The following FBXO46 variants were observed in gnomAD, a reference collection of about 807,000 sequenced individuals.
FBXO46 encodes F-box protein 46.
Under a neutral mutation model 30.7 loss-of-function variants are expected in FBXO46, and 13 were observed. That is an observed-to-expected ratio of 0.42 (90% confidence interval 0.28 to 0.67). The LOEUF (loss-of-function observed/expected upper bound fraction) is 0.67. FBXO46 is among the 30% of genes least tolerant of loss of function. The pLI is 0.21. For missense variants in FBXO46, 754 were observed against 871.5 expected, an observed-to-expected ratio of 0.87 and a Z score of 1.70; for synonymous variants, 467 against 385.8, an observed-to-expected ratio of 1.21 and a Z score of -2.47.
At chr19:45,716,946 C>T (rs907410219) in intron 1 of FBXO46, 1 of 152,184 alleles carries the variant, frequency 6.6e-6, no homozygotes, top group Non-Finnish European at 1.5e-5. Flanking sequence ...GACTGGTACT[C>T]TCGGGCTCTT....
In FBXO46 at chr19:45,713,572, A is replaced by T; in HGVS notation, c.-77T>A. Reference sequence around the variant, plus strand: ...GTGGTGGTGGGAGGCTCCACATGCCACCTGGAGACACGAAGAGGAGGTTGG... The same window carrying T: ...GTGGTGGTGGGAGGCTCCACATGCCTCCTGGAGACACGAAGAGGAGGTTGG... On this transcript the variant is annotated splice_region_variant and 5_prime_UTR_variant, in exon 2 of 2. Coordinates refer to ENST00000317683, the MANE Select transcript of FBXO46 (RefSeq NM_001080469.2). This position sits in a 1 kb window ranked among gnomAD's most constrained non-coding sequence, Gnocchi z 4.7. 8.2e-7 allele frequency: 1 copy of T among 1,214,112 alleles called. No homozygotes were observed. Among genetic ancestry groups the T allele is most frequent in the Non-Finnish European group, 1.1e-6 (1 of 877,404 alleles). The allele number at this position is 1,214,112 out of a possible 1,614,324, so 75.2% of individuals were successfully genotyped here.
intron 1 of FBXO46, chr19:45,714,420 C>CTG (rs900726126): frequency 6.6e-6 from 1 of 151,320 alleles, no homozygotes; most frequent in Non-Finnish European, 1.5e-5. Context: ...TTTATTAAAG[C>CTG]TGTGTGTCCT....
chr19:45,719,744 G>A (rs1222084742), intron 1 of FBXO46, among the ~76,000 whole-genome samples: 2 of 152,186 alleles, frequency 1.3e-5, no homozygotes, highest in African/African-American at 4.8e-5. Flanking sequence ...GAACACACAG[G>A]TGACACTGAG....
upstream of FBXO46, among the ~76,000 whole-genome samples, chr19:45,732,116 C>CAAA (rs1038077264): frequency 8.9e-6 from 1 of 112,226 alleles, no homozygotes; most frequent in African/African-American, 3.1e-5. Flanking sequence ...GATTCCGTCT[C>CAAA]AAAAAAAAAA....
intron 1 of FBXO46, chr19:45,717,354 C>G (rs929737777): frequency 1.8e-4 from 27 of 152,386 alleles, no homozygotes; most frequent in African/African-American, 6.3e-4. Flanking sequence ...TCCTTCCCTC[C>G]GGCCACCGCG....
At chr19:45,721,880 G>C (rs574614683) in intron 1 of FBXO46, among the ~76,000 whole-genome samples, 15 of 150,142 alleles carry the variant, frequency 1.0e-4, no homozygotes, top group African/African-American at 3.7e-4. Flanking sequence ...TCGTGCTGTT[G>C]CCCAAGCTGG....
rs1163648894 is a variant in FBXO46, at chr19:45,713,290, G to A, written c.206C>T (p.Pro69Leu). The A allele has an allele frequency of 1.6e-5, 25 of 1,607,958 alleles. No individual in the cohort carries two copies. In the South Asian group the frequency reaches 1.7e-4, roughly 11 times the overall value. ...AGCTGCTGCTGAGAGGAGCGGAGCC[G>A]GCTGGGAGGCAGGGACCTCAGTGGC... ...ALATEVPASQ[P>L]APLLSAAAAG... The change falls in exon 2 of 2, where the codon CCG becomes CTG. Residue 69 changes from proline (P) to leucine (L), a missense_variant. Transcript: ENST00000317683. This position sits in a 1 kb window ranked among gnomAD's most constrained non-coding sequence, Gnocchi z 4.7.
chr19:45,732,116 CA>C (rs1038077264), upstream of FBXO46, among the ~76,000 whole-genome samples: 2,549 of 111,980 alleles, frequency 0.023, 62 homozygotes, highest in African/African-American at 0.068. Flanking sequence ...GATTCCGTCT[CA>C]AAAAAAAAAA....
At chr19:45,716,064 C>A (rs912816979) in intron 1 of FBXO46, 1 of 152,168 alleles carries the variant, frequency 6.6e-6, no homozygotes, top group African/African-American at 2.4e-5. Context: ...TGTTGAGTAT[C>A]TCAAATCTGA....
chr19:45,713,062 G>A lies in FBXO46; in HGVS notation c.434C>T (p.Pro145Leu), dbSNP rs1352402978. ...RRCLDPTKAPPDPGGREGPPA... is the reference protein window; with the variant it reads ...RRCLDPTKAPLDPGGREGPPA... Reference sequence around the variant, plus strand: ...GGGGCCCTCCCGGCCCCCTGGGTCAGGAGGAGCCTTGGTGGGGTCAAGACA... The same window carrying A: ...GGGGCCCTCCCGGCCCCCTGGGTCAAGAGGAGCCTTGGTGGGGTCAAGACA... The change falls in exon 2 of 2, where the codon CCT becomes CTT. Residue 145 changes from proline (P) to leucine (L), a missense_variant. Physicochemically the swap from Pro to Leu is moderately conservative, Grantham distance 98 (BLOSUM62 -3). Transcript: ENST00000317683. This position sits in a 1 kb window ranked among gnomAD's most constrained non-coding sequence, Gnocchi z 4.7. 1 of 1,577,810 alleles carries A rather than the reference G, an allele frequency of 6.3e-7. No homozygotes were observed. The highest frequency in any genetic ancestry group is 8.6e-7 in the Non-Finnish European group (1 of 1,163,814).
At chr19:45,727,991 C>T (rs985453447) in intron 1 of FBXO46, among the ~76,000 whole-genome samples, 7 of 152,146 alleles carry the variant, frequency 4.6e-5, no homozygotes, top group Admixed American at 3.9e-4. Flanking sequence ...GGCTGGAGTG[C>T]AGTGGCACAA....
chr19:45,718,612 C>T (rs1180345941), intron 1 of FBXO46, among the ~76,000 whole-genome samples: 1 of 152,038 alleles, frequency 6.6e-6, no homozygotes, highest in Non-Finnish European at 1.5e-5. Flanking sequence ...GGTCTGTGTT[C>T]AAATGCAGTT....
upstream of FBXO46, among the ~76,000 whole-genome samples, chr19:45,732,749 C>T (rs1968341513): frequency 6.6e-6 from 1 of 151,662 alleles, no homozygotes; most frequent in Non-Finnish European, 1.5e-5. Flanking sequence ...CCCCACCATG[C>T]CCGGCTAATT....
chr19:45,712,735 G>C lies in FBXO46; in HGVS notation c.761C>G (p.Pro254Arg). The C allele has an allele frequency of 1.2e-6, 2 of 1,611,744 alleles. No individual in the cohort carries two copies. The highest frequency in any genetic ancestry group is 1.7e-6 in the Non-Finnish European group (2 of 1,178,992). The change falls in exon 2 of 2, where the codon CCA (proline) becomes CGA (arginine). Residue 254 changes from proline (P) to arginine (R), a missense_variant. Coordinates refer to ENST00000317683, the MANE Select transcript of FBXO46 (RefSeq NM_001080469.2). This position sits in a 1 kb window ranked among gnomAD's most constrained non-coding sequence, Gnocchi z 8.8. ...KGLRKEERPG[P>R]GPGEVRIAFR... is the part of the protein sequence containing the mutation. Reference sequence around the variant, plus strand: ...GGCGATGCGCACCTCCCCAGGGCCTGGCCCGGGCCGCTCTTCCTTGCGGAG... The same window carrying C: ...GGCGATGCGCACCTCCCCAGGGCCTCGCCCGGGCCGCTCTTCCTTGCGGAG...
In FBXO46 at chr19:45,711,460, C is replaced by G. The variant is rs914420843; in HGVS notation, c.*224G>C. Reference sequence around the variant, plus strand: ...ATGCTGATAAAAAAAAAAAAAACACCCTTCTCAGAGGGTCCACGGCCCTGG... The same window carrying G: ...ATGCTGATAAAAAAAAAAAAAACACGCTTCTCAGAGGGTCCACGGCCCTGG... On this transcript the variant is annotated 3_prime_UTR_variant, in exon 2 of 2. Coordinates refer to ENST00000317683, the MANE Select transcript of FBXO46 (RefSeq NM_001080469.2). 1.8e-5 allele frequency: 12 copies of G among 682,082 alleles called. No individual in the cohort carries two copies. Among genetic ancestry groups the G allele is most frequent in the Middle Eastern group, 2.3e-4 (1 of 4,312 alleles). The allele number at this position is 682,082 out of a possible 1,614,324, so 42.3% of individuals were successfully genotyped here.
chr19:45,713,627 GA>G lies in FBXO46; in HGVS notation c.-78-55del. On this transcript the variant is annotated intron_variant, in intron 1 of 1. Coordinates refer to ENST00000317683, the MANE Select transcript of FBXO46 (RefSeq NM_001080469.2). This position sits in a 1 kb window ranked among gnomAD's most constrained non-coding sequence, Gnocchi z 4.7. ...CTAGGGGGACAGCCTTTCTTCCCAGGACCACCCCAACCTCCACCTCTCCTTA... is the reference window on the plus strand; with the variant it reads ...CTAGGGGGACAGCCTTTCTTCCCAGGCCACCCCAACCTCCACCTCTCCTTA... The G allele has an allele frequency of 1.4e-6, 1 of 725,720 alleles. No individual in the cohort carries two copies. The highest frequency in any genetic ancestry group is 2.0e-5 in the South Asian group (1 of 50,624). The allele number at this position is 725,720 out of a possible 1,614,324, so 45.0% of individuals were successfully genotyped here.
chr19:45,728,778 G>A (rs535977004), intron 1 of FBXO46, among the ~76,000 whole-genome samples: 8 of 152,302 alleles, frequency 5.3e-5, no homozygotes, highest in African/African-American at 1.9e-4. Flanking sequence ...TGAGGCTGCA[G>A]TGAGTCATGA....
chr19:45,711,003 G>A lies in FBXO46; in HGVS notation c.*681C>T. 1 of 233,876 alleles carries A rather than the reference G, an allele frequency of 4.3e-6. No individual in the cohort carries two copies. The highest frequency in any genetic ancestry group is 8.5e-6 in the Non-Finnish European group (1 of 118,052). The allele number at this position is 233,876 out of a possible 1,614,324, so 14.5% of individuals were successfully genotyped here. On this transcript the variant is annotated 3_prime_UTR_variant, in exon 2 of 2. Transcript: ENST00000317683. ...AGTAGCTTAAATAATAACGGGAGGA[G>A]GAGGGTTTTTATACTTCAGCTTTTT...
chr19:45,712,694 C>A lies in FBXO46; in HGVS notation c.802G>T (p.Gly268Cys), dbSNP rs1475831519. 1 of 1,612,794 alleles carries A rather than the reference C, an allele frequency of 6.2e-7. No homozygotes were observed. Among genetic ancestry groups the A allele is most frequent in the Non-Finnish European group, 8.5e-7 (1 of 1,179,464 alleles). The change falls in exon 2 of 2, where the codon GGC (glycine) becomes TGC (cysteine). Residue 268 changes from glycine to cysteine, a missense_variant. Physicochemically the swap from Gly to Cys is radical, Grantham distance 159. Around this residue, in one of 5 missense-constraint regions of FBXO46, gnomAD observed 454 missense variants for 426.5 expected, o/e 1.06. Coordinates refer to ENST00000317683, the MANE Select transcript of FBXO46 (RefSeq NM_001080469.2). This position sits in a 1 kb window ranked among gnomAD's most constrained non-coding sequence, Gnocchi z 8.8. ...EVRIAFRISN[G>C]REPRAPDSGL... ...CTGTCTGGTGCACGGGGCTCCCGGC[C>A]GTTGGAGATGCGGAAGGCGATGCGC... is the stretch of plus-strand genomic sequence containing the variant.
Sources: gnomAD v4.1 joint callset for allele counts (sites outside exome capture counted in the v4.1 genomes callset) on GRCh38, gnomAD v4.1.1 for gene constraint, gnomAD v4.1.1 regional missense constraint, Gnocchi (gnomAD v3.1) non-coding constraint, MANE v1.5 for transcripts, NCBI Gene and HGNC (gene_info 2026-07-23, HGNC 2026-07-21) for gene names.